Variants in SI observed in about 807,000 individuals in gnomAD.
SI encodes sucrase-isomaltase, intestinal.
A neutral mutation model predicts 253.3 loss-of-function variants in SI; 235 were observed. The observed-to-expected ratio is 0.93, with a 90% CI of 0.83 to 1.03. The LOEUF is 1.03. SI is among the 50% of genes least tolerant of loss of function. The pLI, the probability that SI is intolerant of heterozygous loss-of-function variation, is 0.00. For missense variants in SI, 2,442 were observed against 2,211.1 expected, an observed-to-expected ratio of 1.10 and a Z score of -2.09; for synonymous variants, 819 against 712.0, an observed-to-expected ratio of 1.15 and a Z score of -2.39.
intron 44 of SI, among the ~76,000 whole-genome samples, chr3:164,990,241 T>TAATAA (rs1160376949): frequency 6.6e-6 from 1 of 152,068 alleles, no homozygotes; most frequent in Non-Finnish European, 1.5e-5. Context: ...AAATAAGTCT[T>TAATAA]TGAAAAACAG....
chr3:165,055,361 T>C, intron 12 of SI, 54 bp from the exon 13 acceptor site: 1 of 979,654 alleles, frequency 1.0e-6, no homozygotes, highest in Non-Finnish European at 1.6e-6. Flanking sequence ...AATAAATAAA[T>C]GGAATTTCAA....
chr3:165,044,264 C>T (rs1264850324), intron 16 of SI, among the ~76,000 whole-genome samples: 4 of 151,908 alleles, frequency 2.6e-5, no homozygotes, highest in Non-Finnish European at 4.4e-5. Flanking sequence ...TATAGATATC[C>T]TTGTGAATAT....
intron 45 of SI, 62 bp downstream of exon 45, chr3:164,987,076 C>A: frequency 8.0e-7 from 1 of 1,247,416 alleles, no homozygotes; most frequent in Non-Finnish European, 1.2e-6. Flanking sequence ...TAATAGATAA[C>A]GTAAAAGTAA....
intron 40 of SI, 106 bp from the exon 41 acceptor site, chr3:164,994,511 ATTG>A: frequency 4.3e-6 from 5 of 1,174,874 alleles, no homozygotes; most frequent in Non-Finnish European, 6.3e-6. Flanking sequence ...ATATTAATTG[ATTG>A]TCATGTGCTA....
intron 22 of SI, among the ~76,000 whole-genome samples, chr3:165,036,071 CA>C (rs1408648125): frequency 6.6e-6 from 1 of 151,692 alleles, no homozygotes; most frequent in Admixed American, 6.6e-5. Context: ...TACTTTAAAA[CA>C]GTTGAAAATA....
intron 15 of SI, among the ~76,000 whole-genome samples, 180 bp downstream of exon 15, chr3:165,048,947 A>G (rs2108231751): frequency 6.6e-6 from 1 of 152,128 alleles, no homozygotes; most frequent in Non-Finnish European, 1.5e-5. Context: ...ATGAGTCCCA[A>G]ATTCATGAAT....
chr3:165,053,569 TTTTG>T (rs997467432), intron 13 of SI, among the ~76,000 whole-genome samples: 3 of 152,186 alleles, frequency 2.0e-5, no homozygotes, highest in African/African-American at 7.2e-5. Context: ...TTCTTGTGTT[TTTTG>T]TTTGTTTGTT....
chr3:165,002,115 C>T (rs1403187648), intron 37 of SI, among the ~76,000 whole-genome samples: 1 of 151,572 alleles, frequency 6.6e-6, no homozygotes, highest in Non-Finnish European at 1.5e-5. Flanking sequence ...TAATCCCTAA[C>T]ATCTTTAAAG....
chr3:165,049,050 T>G, intron 15 of SI, 77 bp downstream of exon 15: 1 of 880,948 alleles, frequency 1.1e-6, no homozygotes, highest in South Asian at 1.3e-5. Flanking sequence ...TTCCTAATTA[T>G]GAATACATTG....
intron 35 of SI, 105 bp from the exon 36 acceptor site, chr3:165,008,103 G>T: frequency 1.6e-6 from 1 of 624,446 alleles, no homozygotes; most frequent in Non-Finnish European, 3.0e-6. Context: ...TTTGAACAAT[G>T]TTATATATAC....
At chr3:165,075,156 C>A (rs1714869882) in intron 2 of SI, among the ~76,000 whole-genome samples, 1 of 151,848 alleles carries the variant, frequency 6.6e-6, no homozygotes, top group Non-Finnish European at 1.5e-5. Flanking sequence ...ATGGTAGATA[C>A]CAACGCCATA....
At chr3:165,059,611 T>C (rs932920073) in intron 10 of SI, among the ~76,000 whole-genome samples, 2 of 151,956 alleles carry the variant, frequency 1.3e-5, no homozygotes, top group African/African-American at 4.8e-5. Flanking sequence ...TAAAAATATG[T>C]AGATTCTAAA....
intron 38 of SI, 107 bp downstream of exon 38, chr3:164,998,433 G>T: frequency 1.7e-6 from 2 of 1,207,056 alleles, no homozygotes; most frequent in Non-Finnish European, 2.5e-6. Context: ...AGTACGATGT[G>T]AAGAACAAAA....
chr3:164,992,312 C>T lies in SI; in HGVS notation c.4926+1G>A, dbSNP rs1235973963. ...AAACAAAAATATGTGGTAGGACTTACAGGTTCCAGTACTGGGGTAACCATA... is the reference window on the plus strand; with the variant it reads ...AAACAAAAATATGTGGTAGGACTTATAGGTTCCAGTACTGGGGTAACCATA... On this transcript the variant is annotated splice_donor_variant, in intron 42 of 47. Transcript: ENST00000264382. LOFTEE classifies it high-confidence loss of function. 1 of 1,612,598 alleles carries T rather than the reference C, an allele frequency of 6.2e-7. No individual in the cohort carries two copies. Among genetic ancestry groups the T allele is most frequent in the Non-Finnish European group, 8.5e-7 (1 of 1,178,932 alleles).
rs191853253 is a variant in SI, at chr3:164,992,066, C to G, written c.4983+111G>C. 17 of 899,778 alleles carry G rather than the reference C, an allele frequency of 1.9e-5. No individual in the cohort carries two copies. The Admixed American group carries it at 2.8e-4, about 15-fold the overall frequency. 55.7% of individuals were successfully genotyped at this position (899,778 alleles called of 1,614,324 possible). A position where few individuals can be genotyped will look rare whatever the true frequency, so the allele number is the denominator to read the frequency against. On this transcript the variant is annotated intron_variant, in intron 43 of 47. Transcript: ENST00000264382. ...TAATTTACCGGAAATATGTTACTTT[C>G]CACTCTTTTTAAGTGGAAAGTAAAT...
intron 33 of SI, among the ~76,000 whole-genome samples, chr3:165,013,906 T>C (rs1718896264): frequency 1.3e-5 from 2 of 152,106 alleles, no homozygotes; most frequent in Non-Finnish European, 2.9e-5. Flanking sequence ...TTTAAATTTT[T>C]TGTAGATACA....
At chr3:165,061,404 A>G (rs1713980366) in intron 9 of SI, among the ~76,000 whole-genome samples, 1 of 151,936 alleles carries the variant, frequency 6.6e-6, no homozygotes, top group Non-Finnish European at 1.5e-5. Context: ...GATACTGTAA[A>G]CTTTCTGCGC....
chr3:165,028,800 A>G (rs1197023344), intron 25 of SI, among the ~76,000 whole-genome samples: 3 of 151,520 alleles, frequency 2.0e-5, no homozygotes, highest in Non-Finnish European at 4.4e-5. Flanking sequence ...AAGGTGGATT[A>G]AGGACTTAAA....
At chr3:165,033,742 AT>A (rs2108207501) in intron 22 of SI, among the ~76,000 whole-genome samples, 1 of 151,714 alleles carries the variant, frequency 6.6e-6, no homozygotes, top group East Asian at 1.9e-4. Context: ...ATAATATATA[AT>A]TAAAAATGTA....
Sources: allele counts gnomAD v4.1 joint callset (sites outside exome capture counted in the v4.1 genomes callset), GRCh38; gene constraint gnomAD v4.1.1; transcripts MANE v1.5; gene names NCBI Gene and HGNC (gene_info 2026-07-23, HGNC 2026-07-21).